The following TGFB2 variants were observed in gnomAD, a reference collection of about 807,000 sequenced individuals.
TGFB2 encodes the protein transforming growth factor beta 2, also known as transforming growth factor beta-2 proprotein.
Under a neutral mutation model 42.7 loss-of-function variants are expected in TGFB2, and 13 were observed. The observed-to-expected ratio is 0.30, with a 90% confidence interval of 0.20 to 0.48. TGFB2 has a LOEUF of 0.48. Among genes scored for constraint, TGFB2 ranks in the 20% least tolerant of loss-of-function variants. TGFB2 has a pLI of 0.99. For synonymous variants in TGFB2, 193 were observed against 193.6 expected (o/e 1.00, Z 0.03); for missense variants, 390 against 517.5 (o/e 0.75, Z 2.39).
At chr1:218,351,493 T>C (rs1229403427) in intron 1 of TGFB2, among the ~76,000 whole-genome samples, 1 of 152,218 alleles carries the variant, frequency 6.6e-6, no homozygotes, top group Non-Finnish European at 1.5e-5. Flanking sequence ...TTAGGTCACA[T>C]GCTCCTCCTT....
chr1:218,435,845 C>G, intron 4 of TGFB2, 125 bp from the exon 5 acceptor site: 1 of 933,982 alleles, frequency 1.1e-6, no homozygotes, highest in Non-Finnish European at 1.6e-6. Flanking sequence ...ATAACTGTTG[C>G]CAGCTGATGC....
At chr1:218,362,846 T>C (rs193006372) in intron 1 of TGFB2, among the ~76,000 whole-genome samples, 19 of 152,316 alleles carry the variant, frequency 1.2e-4, no homozygotes, top group African/African-American at 4.6e-4. Flanking sequence ...TTCACTTGTA[T>C]TTTTGACTCA....
At chr1:218,412,518 A>G (rs1442754368) in intron 2 of TGFB2, among the ~76,000 whole-genome samples, 2 of 152,260 alleles carry the variant, frequency 1.3e-5, no homozygotes. Context: ...GTGCGTACTC[A>G]CATCCCAGGA....
intron 2 of TGFB2, among the ~76,000 whole-genome samples, chr1:218,415,162 C>G (rs573342016): frequency 6.6e-6 from 1 of 152,200 alleles, no homozygotes; most frequent in African/African-American, 2.4e-5. Flanking sequence ...ACTTCTAGCA[C>G]AGTATCTGTA....
chr1:218,424,062 G>A lies in TGFB2; in HGVS notation c.511-10020G>A, dbSNP rs769240502. The stretch of plus-strand genomic sequence containing the variant: ...GTAAATGGAATGGATTGATTGTCAG[G>A]TGGCCCAGATGGCCAGGACCCTTAG... On this transcript the variant is annotated intron_variant, in intron 2 of 6. Transcript: ENST00000366930. 6.6e-5 allele frequency among the ~76,000 whole-genome samples: 10 copies of A among 152,216 alleles called. 1 individual carries two copies. Among genetic ancestry groups the A allele is most frequent in the African/African-American group, 1.9e-4 (8 of 41,460 alleles).
intron 1 of TGFB2, among the ~76,000 whole-genome samples, chr1:218,366,580 C>T (rs868388287): frequency 3.3e-5 from 5 of 152,092 alleles, no homozygotes; most frequent in Admixed American, 2.0e-4. Context: ...TGAAGTGCAG[C>T]GATTATAAGA....
chr1:218,390,591 AT>A (rs947840163), intron 1 of TGFB2, among the ~76,000 whole-genome samples: 24 of 152,210 alleles, frequency 1.6e-4, no homozygotes, highest in African/African-American at 5.3e-4. Context: ...TTGAATTAAA[AT>A]AACACATACT....
At chr1:218,413,582 G>A (rs1394360673) in intron 2 of TGFB2, among the ~76,000 whole-genome samples, 2 of 152,206 alleles carry the variant, frequency 1.3e-5, no homozygotes, top group Admixed American at 1.3e-4. Flanking sequence ...CAAGACTTTG[G>A]CAAGTGAAAG....
chr1:218,385,591 CCAAG>C (rs1658107982), intron 1 of TGFB2, among the ~76,000 whole-genome samples: 2 of 152,200 alleles, frequency 1.3e-5, no homozygotes, highest in Admixed American at 1.3e-4. Context: ...AAGACTAAGA[CCAAG>C]ATCTTCTCAC....
intron 1 of TGFB2, among the ~76,000 whole-genome samples, chr1:218,366,917 C>A (rs1376948323): frequency 6.6e-6 from 1 of 152,218 alleles, no homozygotes. Flanking sequence ...CCTACAGCCC[C>A]TGTGGAGTTT....
rs540633823 is a variant in TGFB2, at chr1:218,345,562, G to A, written c.-1140G>A. ...GGCTGCCCGGCTGCAGACAGGAGGA[G>A]ACAGAGAGGATCTATTTTAGGGTGG... On this transcript the variant is annotated 5_prime_UTR_variant, in exon 1 of 7. Coordinates refer to ENST00000366930, the MANE Select transcript of TGFB2 (RefSeq NM_003238.6). 2.0e-5 allele frequency: 3 copies of A among 153,090 alleles called. No homozygotes were observed. Among genetic ancestry groups the A allele is most frequent in the Admixed American group, 2.0e-4 (3 of 15,312 alleles). 9.5% of individuals were successfully genotyped at this position (153,090 alleles called of 1,614,324 possible).
intron 1 of TGFB2, among the ~76,000 whole-genome samples, chr1:218,351,116 G>A (rs1333688220): frequency 6.6e-6 from 1 of 152,142 alleles, no homozygotes; most frequent in Non-Finnish European, 1.5e-5. Flanking sequence ...ATGACACTAT[G>A]GTTTTGGGGA....
intron 2 of TGFB2, among the ~76,000 whole-genome samples, chr1:218,405,772 A>G (rs1444719793): frequency 1.3e-5 from 2 of 152,170 alleles, no homozygotes; most frequent in South Asian, 4.1e-4. Flanking sequence ...TATATTCACA[A>G]TCGTGATATA....
intron 1 of TGFB2, among the ~76,000 whole-genome samples, chr1:218,370,107 C>A (rs10465672): frequency 2.6e-5 from 4 of 152,188 alleles, no homozygotes; most frequent in African/African-American, 9.7e-5. Context: ...GTCAGGCAGA[C>A]TAAACCAACC....
chr1:218,391,006 A>G (rs920504347), intron 1 of TGFB2, among the ~76,000 whole-genome samples: 1 of 152,230 alleles, frequency 6.6e-6, no homozygotes, highest in African/African-American at 2.4e-5. Context: ...TGGTAACTTA[A>G]CGTTTCTTCC....
chr1:218,433,095 A>G (rs1056059473), intron 2 of TGFB2, among the ~76,000 whole-genome samples: 17 of 152,176 alleles, frequency 1.1e-4, no homozygotes, highest in Admixed American at 9.2e-4. Context: ...TTGAGAGGCA[A>G]TCCCACTCTG....
chr1:218,385,493 G>A (rs963002549), intron 1 of TGFB2, among the ~76,000 whole-genome samples: 2 of 152,194 alleles, frequency 1.3e-5, no homozygotes, highest in East Asian at 1.9e-4. Flanking sequence ...CTAAGAAGTG[G>A]CCATCCTTGG....
At chr1:218,379,648 G>T (rs1199991044) in intron 1 of TGFB2, among the ~76,000 whole-genome samples, 3 of 152,090 alleles carry the variant, frequency 2.0e-5, no homozygotes, top group Non-Finnish European at 2.9e-5. Context: ...ATACCTGGAA[G>T]ATAAGATGAA....
rs537688384 is a variant in TGFB2, at chr1:218,415,292, GC to G, written c.510+9963del. On this transcript the variant is annotated intron_variant, in intron 2 of 6. Coordinates refer to ENST00000366930, the MANE Select transcript of TGFB2 (RefSeq NM_003238.6). ...CTGTTAAAAATGAATGCTTCCCCTA[GC>G]CCTTCTTGCTGTAGGGTCTGGGTTC... is the stretch of plus-strand genomic sequence containing the variant. Among the ~76,000 whole-genome samples, 6 of 152,240 alleles carry G rather than the reference GC, an allele frequency of 3.9e-5. No homozygotes were observed. The South Asian group carries it at 1.2e-3, about 32-fold the overall frequency.
Sources: gnomAD v4.1 joint callset for allele counts (sites outside exome capture counted in the v4.1 genomes callset) on GRCh38, gnomAD v4.1.1 for gene constraint, MANE v1.5 for transcripts, NCBI Gene and HGNC (gene_info 2026-07-23, HGNC 2026-07-21) for gene names.